KIAA1958: variants seen among roughly 807,000 people sequenced by gnomAD.
KIAA1958 encodes the protein uncharacterized protein KIAA1958.
Under a neutral mutation model 47.2 loss-of-function variants are expected in KIAA1958, and 14 were observed. That is an observed-to-expected ratio of 0.30 (90% confidence interval 0.20 to 0.46). KIAA1958 has a LOEUF of 0.46. Ranked by LOEUF, KIAA1958 falls within the 20% of genes least tolerant of loss-of-function variation. The probability of loss-of-function intolerance (pLI) is 1.00; values close to 1 mark genes in which losing one functional copy is unlikely to be tolerated. For synonymous variants in KIAA1958, 354 were observed against 353.3 expected, an observed-to-expected ratio of 1.00 and a Z score of -0.02; for missense variants, 803 against 909.2, an observed-to-expected ratio of 0.88 and a Z score of 1.50.
At chr9:112,622,553 T>A (rs2131220795) in intron 2 of KIAA1958, among the ~76,000 whole-genome samples, 1 of 152,344 alleles carries the variant, frequency 6.6e-6, no homozygotes, top group South Asian at 2.1e-4. Flanking sequence ...CTAGATTCCA[T>A]TTGATATCAT....
At position 112,574,753 on chromosome 9, in the gene KIAA1958, G is replaced by A; in HGVS notation, c.673G>A (p.Gly225Arg). ...TGCAGAACTGACAGGAGGAGTAGAT[G>A]GACCAGCCCTGTCCTTGACACAGAT... ...ANAELTGGVDGPALSLTQMAK... is the reference protein window; with the variant it reads ...ANAELTGGVDRPALSLTQMAK... Residue 225 changes from glycine to arginine, a missense_variant, in exon 2 of 4, where the codon GGA (glycine) becomes AGA (arginine). Physicochemically the swap from Gly to Arg is moderately radical, Grantham distance 125. Around this residue, in one of 2 missense-constraint regions of KIAA1958, gnomAD observed 761 missense variants for 829.3 expected, o/e 0.92. Transcript: ENST00000337530. 1 of 1,614,118 alleles carries A rather than the reference G, an allele frequency of 6.2e-7. No homozygotes were observed. The highest frequency in any genetic ancestry group is 8.5e-7 in the Non-Finnish European group (1 of 1,180,000).
intron 1 of KIAA1958, among the ~76,000 whole-genome samples, chr9:112,512,469 A>G (rs1422550830): frequency 6.6e-6 from 1 of 152,168 alleles, no homozygotes; most frequent in Non-Finnish European, 1.5e-5. Context: ...TAAAAAAAAA[A>G]CTCTTAGCAA....
At chr9:112,572,240 T>G (rs1835552343) in intron 1 of KIAA1958, among the ~76,000 whole-genome samples, 1 of 152,006 alleles carries the variant, frequency 6.6e-6, no homozygotes, top group African/African-American at 2.4e-5. Context: ...AAAAGTGATC[T>G]GAGGAAAATT....
At chr9:112,488,865 T>C (rs1833914549) in intron 1 of KIAA1958, among the ~76,000 whole-genome samples, 1 of 152,212 alleles carries the variant, frequency 6.6e-6, no homozygotes, top group African/African-American at 2.4e-5. Context: ...TCTAGATTCT[T>C]GTCCCAGTTA....
rs201613627 is a variant in KIAA1958 at position 112,574,316 on chromosome 9, G to A, written c.236G>A (p.Ser79Asn). The change falls in exon 2 of 4, where the codon AGT becomes AAT. Residue 79 changes from serine to asparagine, a missense_variant. Ser to Asn is a conservative substitution (Grantham distance 46). Transcript: ENST00000337530. ...QERVCFQDNR[S>N]FNSDSPSIIG... is the part of the protein sequence containing the mutation. ...AGGGTCTGTTTCCAGGATAACAGAA[G>A]TTTTAACTCTGATAGTCCCAGTATA... is the stretch of plus-strand genomic sequence containing the variant. 5.6e-6 allele frequency: 9 copies of A among 1,614,158 alleles called. No homozygotes were observed. Among genetic ancestry groups the A allele is most frequent in the Middle Eastern group, 1.6e-4 (1 of 6,062 alleles).
At position 112,663,682 on chromosome 9, in the gene KIAA1958, A is replaced by G. The variant is rs1837314963; in HGVS notation, c.*3613A>G. On this transcript the variant is annotated 3_prime_UTR_variant, in exon 4 of 4. Transcript: ENST00000337530. ...ATTGTTTAGTGTGTTTGCAAAAAGG[A>G]ATTTTATGGAAGTACCTAACCAAAG... 6.6e-6 allele frequency: 1 copy of G among 152,194 alleles called. No individual in the cohort carries two copies. The highest frequency in any genetic ancestry group is 2.1e-4 in the South Asian group (1 of 4,830). 9.4% of individuals were successfully genotyped at this position (152,194 alleles called of 1,614,324 possible).
chr9:112,580,188 T>G (rs572203306), intron 2 of KIAA1958, among the ~76,000 whole-genome samples: 2 of 152,276 alleles, frequency 1.3e-5, no homozygotes, highest in East Asian at 3.9e-4. Flanking sequence ...GTGGAAGTAT[T>G]CTTCCAAGAA....
At chr9:112,568,962 A>AAAAAAAAAAG (rs1835483281) in intron 1 of KIAA1958, among the ~76,000 whole-genome samples, 1 of 149,306 alleles carries the variant, frequency 6.7e-6, no homozygotes, top group African/African-American at 2.4e-5. Context: ...AAAAAAAAAA[A>AAAAAAAAAAG]AAAAATTGAC....
chr9:112,510,717 G>C (rs939814242), intron 1 of KIAA1958, among the ~76,000 whole-genome samples: 2 of 152,034 alleles, frequency 1.3e-5, no homozygotes, highest in Admixed American at 6.6e-5. Flanking sequence ...AAAATGTACT[G>C]TCAGGTGATA....
At position 112,645,827 on chromosome 9, in the gene KIAA1958, G is replaced by C. The variant is rs1430787408; in HGVS notation, c.1344+5G>C. On this transcript the variant is annotated splice_donor_5th_base_variant and intron_variant, in intron 3 of 3. Transcript: ENST00000337530. ...GACCACACAGACATCACCAAGGTAA[G>C]GGACTCTTGAGTTTACTTCTTTCAG... The C allele has an allele frequency of 1.2e-6, 2 of 1,611,192 alleles. No homozygotes were observed. The highest frequency in any genetic ancestry group is 3.4e-5 in the Admixed American group (2 of 59,430).
At chr9:112,551,924 C>T (rs1213007683) in intron 1 of KIAA1958, among the ~76,000 whole-genome samples, 7 of 152,162 alleles carry the variant, frequency 4.6e-5, no homozygotes, top group Admixed American at 3.3e-4. Context: ...TGTTCAAATC[C>T]TGCATCTTTG....
At chr9:112,507,447 C>G (rs1834251168) in intron 1 of KIAA1958, among the ~76,000 whole-genome samples, 1 of 152,180 alleles carries the variant, frequency 6.6e-6, no homozygotes, top group Non-Finnish European at 1.5e-5. Flanking sequence ...CTCCTGGGCT[C>G]AAGTTATTCT....
At chr9:112,634,310 C>G (rs1429378026) in intron 2 of KIAA1958, among the ~76,000 whole-genome samples, 4 of 152,114 alleles carry the variant, frequency 2.6e-5, no homozygotes, top group Non-Finnish European at 4.4e-5. Context: ...CTCCCTGCAA[C>G]CTCTACTTCC....
At chr9:112,643,740 A>G (rs1034834047) in intron 2 of KIAA1958, among the ~76,000 whole-genome samples, 2 of 152,220 alleles carry the variant, frequency 1.3e-5, no homozygotes, top group Non-Finnish European at 2.9e-5. Context: ...TCTGGACACA[A>G]TGAGAACACA....
chr9:112,514,803 TG>T (rs1834387245), intron 1 of KIAA1958, among the ~76,000 whole-genome samples: 1 of 29,862 alleles, frequency 3.3e-5, no homozygotes, highest in African/African-American at 1.1e-4. Context: ...GGGAGGGAGG[TG>T]GGGGGGTCAG....
intron 1 of KIAA1958, among the ~76,000 whole-genome samples, chr9:112,525,587 G>A (rs538470865): frequency 3.9e-5 from 6 of 152,092 alleles, no homozygotes; most frequent in African/African-American, 9.6e-5. Context: ...CTGCTTTATC[G>A]GTGTTTATTG....
At chr9:112,563,801 C>G (rs1022607357) in intron 1 of KIAA1958, among the ~76,000 whole-genome samples, 2 of 151,816 alleles carry the variant, frequency 1.3e-5, no homozygotes, top group African/African-American at 4.8e-5. Context: ...GCATTTTTGC[C>G]TTATTCCTAA....
intron 1 of KIAA1958, among the ~76,000 whole-genome samples, chr9:112,545,684 G>A (rs1418122226): frequency 2.6e-5 from 4 of 152,038 alleles, no homozygotes; most frequent in Admixed American, 1.3e-4. Context: ...CAGAGCATCT[G>A]GGAGATGAAT....
intron 2 of KIAA1958, among the ~76,000 whole-genome samples, chr9:112,638,066 T>C (rs967500768): frequency 3.3e-5 from 5 of 152,100 alleles, no homozygotes; most frequent in African/African-American, 9.7e-5. Context: ...GGAGAATCGC[T>C]TGAACCCAAG....
Sources: gnomAD v4.1 joint callset for allele counts (sites outside exome capture counted in the v4.1 genomes callset) on GRCh38, gnomAD v4.1.1 for gene constraint, gnomAD v4.1.1 regional missense constraint, MANE v1.5 for transcripts, NCBI Gene and HGNC (gene_info 2026-07-23, HGNC 2026-07-21) for gene names.